SCAI: variants seen among roughly 807,000 people sequenced by gnomAD.
The protein encoded by SCAI is protein SCAI.
SCAI carries 24 observed loss-of-function variants against 92.2 expected under a neutral mutation model. That is an observed-to-expected ratio of 0.26 (90% confidence interval 0.19 to 0.37). The LOEUF (loss-of-function observed/expected upper bound fraction) is 0.37, where lower values mean the gene tolerates loss of function less well. Among genes scored for constraint, SCAI ranks in the 10% least tolerant of loss-of-function variants. The pLI, the probability that SCAI is intolerant of heterozygous loss-of-function variation, is 1.00. For synonymous variants in SCAI, 261 were observed against 258.6 expected, an observed-to-expected ratio of 1.01 and a Z score of -0.09; for missense variants, 450 against 736.2, an observed-to-expected ratio of 0.61 and a Z score of 4.50.
At chr9:125,044,668 G>A (rs913318342) in intron 3 of SCAI, among the ~76,000 whole-genome samples, 1 of 152,172 alleles carries the variant, frequency 6.6e-6, no homozygotes, top group Non-Finnish European at 1.5e-5. Flanking sequence ...CTCAAAAAAT[G>A]GTAACACAAA....
chr9:125,095,466 T>C (rs1834526221), intron 2 of SCAI, among the ~76,000 whole-genome samples: 1 of 152,204 alleles, frequency 6.6e-6, no homozygotes, highest in African/African-American at 2.4e-5. Flanking sequence ...AAACAGAAAA[T>C]GAACATCCCT....
intron 9 of SCAI, among the ~76,000 whole-genome samples, chr9:125,007,802 C>CA (rs200175737): frequency 0.014 from 2,069 of 152,138 alleles, 53 homozygotes; most frequent in African/African-American, 0.047. Context: ...GGACTAGAGG[C>CA]ACATGACCAA....
intron 6 of SCAI, among the ~76,000 whole-genome samples, chr9:125,024,366 C>T (rs1395970799): frequency 6.6e-6 from 1 of 151,564 alleles, no homozygotes; most frequent in African/African-American, 2.4e-5. Flanking sequence ...ACCTCCGCCT[C>T]CCCGGTTCAA....
chr9:125,071,603 G>T (rs1833980999), intron 2 of SCAI, among the ~76,000 whole-genome samples: 1 of 151,980 alleles, frequency 6.6e-6, no homozygotes. Context: ...AGACTATAAA[G>T]ACATCATTTT....
intron 2 of SCAI, among the ~76,000 whole-genome samples, chr9:125,135,334 T>TA (rs1227591514): frequency 6.6e-6 from 1 of 152,192 alleles, no homozygotes; most frequent in Non-Finnish European, 1.5e-5. Context: ...AAGAATTATT[T>TA]AACATCAATA....
intron 3 of SCAI, among the ~76,000 whole-genome samples, chr9:125,035,731 G>A (rs1462916112): frequency 6.6e-6 from 1 of 152,112 alleles, no homozygotes; most frequent in Non-Finnish European, 1.5e-5. Context: ...CATTTAAAAC[G>A]TGTGCTGCCA....
At chr9:124,998,652 CAG>C (rs1319657533) in intron 13 of SCAI, among the ~76,000 whole-genome samples, 2 of 152,052 alleles carry the variant, frequency 1.3e-5, no homozygotes, top group Non-Finnish European at 2.9e-5. Context: ...TTTTTTGACA[CAG>C]AGTCTTGCTC....
chr9:124,952,981 G>C, intron 17 of SCAI, 28 bp from the exon 18 acceptor site: 1 of 1,607,192 alleles, frequency 6.2e-7, no homozygotes, highest in Non-Finnish European at 8.5e-7. Flanking sequence ...GAAAAGTCAA[G>C]TTTTGTAGTC....
At chr9:124,965,390 C>T (rs905166042) in intron 17 of SCAI, among the ~76,000 whole-genome samples, 8 of 152,196 alleles carry the variant, frequency 5.3e-5, no homozygotes, top group South Asian at 2.1e-4. Context: ...CACGCCACGA[C>T]GCCCAGCTAA....
chr9:125,074,087 G>A (rs1211794678), intron 2 of SCAI, among the ~76,000 whole-genome samples: 12 of 151,260 alleles, frequency 7.9e-5, no homozygotes, highest in African/African-American at 1.2e-4. Context: ...GTGAAACCCC[G>A]TCTCTACTAA....
In SCAI at chr9:124,976,177, T is replaced by G; in HGVS notation, c.1336A>C (p.Asn446His). 1 of 1,608,078 alleles carries G rather than the reference T, an allele frequency of 6.2e-7. No individual in the cohort carries two copies. ...SNSVAYKNFT[N>H]LFGQPLVCLL... Reference sequence around the variant, plus strand: ...CAGACTAGTGGCTGTCCAAACAAGTTTGTGAAATTCTGTAATATATAAGAA... The same window carrying G: ...CAGACTAGTGGCTGTCCAAACAAGTGTGTGAAATTCTGTAATATATAAGAA... Residue 446 changes from asparagine to histidine, a missense_variant, in exon 15 of 18, where the codon AAC (asparagine) becomes CAC (histidine). Around this residue, in one of 3 missense-constraint regions of SCAI, gnomAD observed 360 missense variants for 601.8 expected, o/e 0.60. Transcript: ENST00000336505.
intron 6 of SCAI, among the ~76,000 whole-genome samples, chr9:125,022,341 C>G (rs1043834640): frequency 1.3e-5 from 2 of 152,096 alleles, no homozygotes; most frequent in African/African-American, 4.8e-5. Context: ...ATAAGAAATG[C>G]GTATACACGT....
intron 14 of SCAI, among the ~76,000 whole-genome samples, chr9:124,978,266 C>T (rs1221490107): frequency 2.0e-5 from 3 of 152,152 alleles, no homozygotes; most frequent in Admixed American, 6.5e-5. Context: ...CATAATGAAA[C>T]CCCGTTTCCA....
At position 125,040,383 on chromosome 9, in the gene SCAI, T is replaced by A. The variant is rs1175252612; in HGVS notation, c.231-10644A>T. ...GTCTCAAGAAACAAACAAAAAAGAA[T>A]GATTTCTTTCTCTGTGCACATTTAA... On this transcript the variant is annotated intron_variant, in intron 3 of 17. Coordinates refer to ENST00000336505, the MANE Select transcript of SCAI (RefSeq NM_001144877.3). Among the ~76,000 whole-genome samples, 6 of 152,164 alleles carry A rather than the reference T, an allele frequency of 3.9e-5. No homozygotes were observed. In the South Asian group the frequency reaches 1.2e-3, roughly 32 times the overall value.
At chr9:125,134,878 G>A (rs1310242587) in intron 2 of SCAI, among the ~76,000 whole-genome samples, 2 of 151,934 alleles carry the variant, frequency 1.3e-5, no homozygotes, top group Non-Finnish European at 2.9e-5. Context: ...GTTTCTCCAT[G>A]TTGGTCAGGC....
rs1395301318 is a variant in SCAI at position 124,971,902 on chromosome 9, C to T, written c.1400-58G>A. 9 of 991,302 alleles carry T rather than the reference C, an allele frequency of 9.1e-6. No individual in the cohort carries two copies. In the East Asian group the frequency reaches 1.9e-4, roughly 21 times the overall value. The allele number at this position is 991,302 out of a possible 1,614,324, so 61.4% of individuals were successfully genotyped here. Reference sequence around the variant, plus strand: ...ATAGTTTTGCAAAAGATAAGAGATACATATGAGGAACATTTTAATATACTG... The same window carrying T: ...ATAGTTTTGCAAAAGATAAGAGATATATATGAGGAACATTTTAATATACTG... On this transcript the variant is annotated intron_variant, in intron 15 of 17. Coordinates refer to ENST00000336505, the MANE Select transcript of SCAI (RefSeq NM_001144877.3).
chr9:125,001,474 G>C (rs1011468174), intron 12 of SCAI, among the ~76,000 whole-genome samples: 5 of 152,064 alleles, frequency 3.3e-5, no homozygotes, highest in African/African-American at 9.7e-5. Flanking sequence ...CAAAATAAAG[G>C]ACAGAAAACA....
chr9:125,125,111 C>T (rs564801845), intron 2 of SCAI, among the ~76,000 whole-genome samples: 2 of 152,274 alleles, frequency 1.3e-5, no homozygotes, highest in African/African-American at 4.8e-5. Flanking sequence ...GTCCCAGCTA[C>T]TCAGGAGGCT....
chr9:125,049,247 T>C lies in SCAI; in HGVS notation c.230+6629A>G, dbSNP rs1468963055. ...CTTTGGCTTTGTGTATTTGCTCCTC[T>C]GTAGTCAAATAATTAGTGACTTGGA... is the stretch of plus-strand genomic sequence containing the variant. On this transcript the variant is annotated intron_variant, in intron 3 of 17. Transcript: ENST00000336505. 4.6e-5 allele frequency among the ~76,000 whole-genome samples: 7 copies of C among 152,278 alleles called. No individual in the cohort carries two copies. In the East Asian group the frequency reaches 1.3e-3, roughly 29 times the overall value.
Sources: gnomAD v4.1 joint callset for allele counts (sites outside exome capture counted in the v4.1 genomes callset) on GRCh38, gnomAD v4.1.1 for gene constraint, gnomAD v4.1.1 regional missense constraint, MANE v1.5 for transcripts, NCBI Gene and HGNC (gene_info 2026-07-23, HGNC 2026-07-21) for gene names.